Variants in TMPRSS15 observed in about 807,000 individuals in gnomAD.
TMPRSS15 encodes the protein enteropeptidase.
TMPRSS15 carries 128 observed loss-of-function variants against 125.3 expected under a neutral mutation model. The ratio of observed to expected loss-of-function variants is 1.02; its 90% CI spans 0.89 to 1.18. The LOEUF is 1.18. TMPRSS15 is among the 50% of genes most tolerant of loss of function. The pLI is 0.00. For synonymous variants in TMPRSS15, 446 were observed against 423.2 expected, an observed-to-expected ratio of 1.05 and a Z score of -0.66; for missense variants, 1,283 against 1,212.7, an observed-to-expected ratio of 1.06 and a Z score of -0.86.
At position 18,329,161 on chromosome 21, in the gene TMPRSS15, A is replaced by C. The variant is rs770489084; in HGVS notation, c.1780+8T>G. 3.1e-6 allele frequency: 5 copies of C among 1,612,134 alleles called. No individual in the cohort carries two copies. Among genetic ancestry groups the C allele is most frequent in the Non-Finnish European group, 2.5e-6 (3 of 1,178,740 alleles). On this transcript the variant is annotated splice_region_variant and intron_variant, in intron 15 of 24. Coordinates refer to ENST00000284885, the MANE Select transcript of TMPRSS15 (RefSeq NM_002772.3). ...ACAACCTTTACAATATTCAGATTGCAGACTTACCTAAGAGCAAGGAATCAG... is the reference window on the plus strand; with the variant it reads ...ACAACCTTTACAATATTCAGATTGCCGACTTACCTAAGAGCAAGGAATCAG...
At chr21:18,421,941 A>C (rs2123192749) in intron 1 of TMPRSS15, among the ~76,000 whole-genome samples, 1 of 151,450 alleles carries the variant, frequency 6.6e-6, no homozygotes, top group Admixed American at 6.6e-5. Flanking sequence ...TAAAACTACG[A>C]GAGTTTCTGT....
intron 18 of TMPRSS15, among the ~76,000 whole-genome samples, chr21:18,300,210 T>TTTTCTTTC (rs10701453): frequency 6.6e-6 from 1 of 150,492 alleles, no homozygotes; most frequent in Non-Finnish European, 1.5e-5. Context: ...CTTTCTTTCT[T>TTTTCTTTC]TTTCTTTCTC....
At chr21:18,335,577 T>TA (rs574494017) in intron 13 of TMPRSS15, among the ~76,000 whole-genome samples, 116 of 152,350 alleles carry the variant, frequency 7.6e-4, no homozygotes, top group African/African-American at 2.7e-3. Flanking sequence ...TGCATCCCTT[T>TA]AAAATACTTA....
At chr21:18,461,130 G>T (rs1222436648) in intron 1 of TMPRSS15, among the ~76,000 whole-genome samples, 1 of 152,068 alleles carries the variant, frequency 6.6e-6, no homozygotes, top group Non-Finnish European at 1.5e-5. Context: ...ACAGTATCAA[G>T]GAACTGAAAC....
Position 18,371,878 on chromosome 21 carries a change from T to C in TMPRSS15, c.664+315A>G, listed in dbSNP as rs554164326. On this transcript the variant is annotated intron_variant, in intron 6 of 24. Transcript: ENST00000284885. ...GTTTAATATAGAGAAGAGATGAAAA[T>C]GTAGCAACACCCATCCCCACATTTA... Among the ~76,000 whole-genome samples, 5 of 152,140 alleles carry C rather than the reference T, an allele frequency of 3.3e-5. No homozygotes were observed. The East Asian group carries it at 9.6e-4, about 29-fold the overall frequency.
At chr21:18,397,621 A>T (rs2076052283) in intron 3 of TMPRSS15, among the ~76,000 whole-genome samples, 2 of 152,154 alleles carry the variant, frequency 1.3e-5, no homozygotes, top group African/African-American at 4.8e-5. Flanking sequence ...CTATATCTGC[A>T]TCTGTACCCT....
chr21:18,447,824 A>G (rs890665739), intron 1 of TMPRSS15, among the ~76,000 whole-genome samples: 1 of 152,146 alleles, frequency 6.6e-6, no homozygotes, highest in Non-Finnish European at 1.5e-5. Context: ...TTTTTTTCAT[A>G]AATTAGCTAA....
intron 4 of TMPRSS15, chr21:18,380,403 C>A: frequency 2.8e-6 from 1 of 356,820 alleles, no homozygotes. Flanking sequence ...TTATTCCTAA[C>A]CAATATAAGC....
chr21:18,469,886 CT>C (rs1230798182), intron 1 of TMPRSS15, among the ~76,000 whole-genome samples: 2 of 152,062 alleles, frequency 1.3e-5, no homozygotes, highest in African/African-American at 4.8e-5. Flanking sequence ...ATAGCTCTAT[CT>C]TTTTCCATGT....
chr21:18,359,370 T>C (rs1024967068), intron 8 of TMPRSS15, among the ~76,000 whole-genome samples: 3 of 152,036 alleles, frequency 2.0e-5, no homozygotes, highest in Non-Finnish European at 4.4e-5. Flanking sequence ...ACATAAAAAA[T>C]GACAGAACCT....
chr21:18,425,400 A>C (rs1380311371), intron 1 of TMPRSS15, among the ~76,000 whole-genome samples: 2 of 152,120 alleles, frequency 1.3e-5, no homozygotes, highest in African/African-American at 4.8e-5. Context: ...CAGAATTTTT[A>C]ATTGTTAAGT....
intron 16 of TMPRSS15, among the ~76,000 whole-genome samples, chr21:18,320,361 C>T (rs2075221507): frequency 6.6e-6 from 1 of 151,912 alleles, no homozygotes; most frequent in Admixed American, 6.6e-5. Flanking sequence ...TATCTTATTA[C>T]TTTTTTCATA....
In TMPRSS15 at chr21:18,334,178, A is replaced by T. The variant is rs188038500; in HGVS notation, c.1565-2005T>A. ...ACTTGAAATTCATGTGCATCTTCAA[A>T]GTTTATATGTAACACACTGCTTAGA... On this transcript the variant is annotated intron_variant, in intron 13 of 24. Transcript: ENST00000284885. 2.2e-3 allele frequency among the ~76,000 whole-genome samples: 328 copies of T among 152,230 alleles called. 12 individuals are homozygous for T. The highest frequency in any genetic ancestry group is 0.019 in the Admixed American group (285 of 15,284).
At chr21:18,315,771 C>A (rs1377288062) in intron 16 of TMPRSS15, among the ~76,000 whole-genome samples, 1 of 141,324 alleles carries the variant, frequency 7.1e-6, no homozygotes, top group East Asian at 2.0e-4. Context: ...TGCAGCACAC[C>A]AACATGGCAC....
At chr21:18,377,134 T>C (rs1040908913) in intron 5 of TMPRSS15, among the ~76,000 whole-genome samples, 1 of 152,148 alleles carries the variant, frequency 6.6e-6, no homozygotes, top group African/African-American at 2.4e-5. Flanking sequence ...ATGTAGTACA[T>C]GGATTCACTA....
At chr21:18,400,367 C>G (rs766352890) in intron 1 of TMPRSS15, among the ~76,000 whole-genome samples, 9 of 152,064 alleles carry the variant, frequency 5.9e-5, no homozygotes, top group South Asian at 2.1e-4. Flanking sequence ...GGTAGTAGTA[C>G]AAATACAGAT....
At chr21:18,288,461 T>G (rs2074791559) in intron 21 of TMPRSS15, among the ~76,000 whole-genome samples, 1 of 151,912 alleles carries the variant, frequency 6.6e-6, no homozygotes, top group African/African-American at 2.4e-5. Context: ...ATTACACTTG[T>G]ACCCCATACA....
chr21:18,470,559 A>T (rs1978757806), intron 1 of TMPRSS15, among the ~76,000 whole-genome samples: 1 of 152,094 alleles, frequency 6.6e-6, no homozygotes, highest in African/African-American at 2.4e-5. Flanking sequence ...GTATATCTGA[A>T]AGTTTTAAAA....
At chr21:18,314,277 G>A (rs113851331) in intron 17 of TMPRSS15, among the ~76,000 whole-genome samples, 18 of 152,104 alleles carry the variant, frequency 1.2e-4, no homozygotes, top group African/African-American at 3.4e-4. Flanking sequence ...AACTATAGCC[G>A]ATTATTTTTT....
Sources: allele counts gnomAD v4.1 joint callset (sites outside exome capture counted in the v4.1 genomes callset), GRCh38; gene constraint gnomAD v4.1.1; transcripts MANE v1.5; gene names NCBI Gene and HGNC (gene_info 2026-07-23, HGNC 2026-07-21).